GIMD1: variants seen among roughly 807,000 people sequenced by gnomAD.
The protein encoded by GIMD1 is GIMAP family P-loop NTPase domain containing 1.
Under a neutral mutation model 14.9 loss-of-function variants are expected in GIMD1, and 14 were observed. That is an observed-to-expected ratio of 0.94 (90% CI 0.62 to 1.47). The LOEUF is 1.47. Among genes scored for constraint, GIMD1 ranks in the 40% most tolerant of loss-of-function variants. The pLI is 0.00. For synonymous variants in GIMD1, 91 were observed against 90.5 expected (o/e 1.01, Z -0.03); for missense variants, 272 against 255.3 (o/e 1.07, Z -0.44).
chr4:106,363,634 A>G (rs1770647659), intron 2 of GIMD1, among the ~76,000 whole-genome samples: 1 of 152,116 alleles, frequency 6.6e-6, no homozygotes, highest in Admixed American at 6.6e-5. Context: ...CAAGTAAGGA[A>G]TTGAAACCAA....
At chr4:106,359,294 C>T (rs1157782378) in intron 2 of GIMD1, among the ~76,000 whole-genome samples, 2 of 151,874 alleles carry the variant, frequency 1.3e-5, no homozygotes, top group Non-Finnish European at 2.9e-5. Context: ...AACATTACCT[C>T]CATTCCGAAC....
intron 2 of GIMD1, among the ~76,000 whole-genome samples, chr4:106,364,470 TCAGA>T (rs1385826885): frequency 6.6e-6 from 1 of 152,166 alleles, no homozygotes; most frequent in African/African-American, 2.4e-5. Flanking sequence ...TGTTGAATAT[TCAGA>T]CACTCTGCAA....
chr4:106,359,119 G>C (rs1182639652), intron 2 of GIMD1, among the ~76,000 whole-genome samples: 1 of 151,908 alleles, frequency 6.6e-6, no homozygotes, highest in Non-Finnish European at 1.5e-5. Flanking sequence ...GTGGAAGTTG[G>C]TTATGTAATA....
chr4:106,358,322 G>T lies in GIMD1; in HGVS notation c.515C>A (p.Thr172Lys), dbSNP rs73839451. 2.0e-6 allele frequency: 3 copies of T among 1,533,828 alleles called. No individual in the cohort carries two copies. Among genetic ancestry groups the T allele is most frequent in the South Asian group, 2.4e-5 (2 of 83,894 alleles). Residue 172 changes from threonine to lysine, a missense_variant, in exon 3 of 3, where the codon ACG (threonine) becomes AAG (lysine). Coordinates refer to ENST00000638719, the MANE Select transcript of GIMD1 (RefSeq NM_001195138.2). ...TTTGTGCTGAATAGAATTTAGCAGC[G>T]TTTTCAGGGTATCAGAGGCCTCATG... is the stretch of plus-strand genomic sequence containing the variant. ...YLHEASDTLK[T>K]LLNSIQHKYV...
rs139380168 is a variant in GIMD1 at position 106,357,854 on chromosome 4, A to G, written c.*329T>C. The G allele has an allele frequency of 8.0e-4, 136 of 169,718 alleles. No homozygotes were observed. The highest frequency in any genetic ancestry group is 3.1e-3 in the African/African-American group (131 of 42,006). The allele number at this position is 169,718 out of a possible 1,614,324, so 10.5% of individuals were successfully genotyped here. The stretch of plus-strand genomic sequence containing the variant: ...AATTTACTTAACCATTCTAATATTA[A>G]TAGACATTTGAATAGTCTGTATGTT... On this transcript the variant is annotated 3_prime_UTR_variant, in exon 3 of 3. Coordinates refer to ENST00000638719, the MANE Select transcript of GIMD1 (RefSeq NM_001195138.2).
At chr4:106,362,663 AC>A (rs1282812903) in intron 2 of GIMD1, among the ~76,000 whole-genome samples, 2 of 152,114 alleles carry the variant, frequency 1.3e-5, no homozygotes, top group African/African-American at 4.8e-5. Flanking sequence ...AAACAAACAA[AC>A]AAAAAGCCAA....
At chr4:106,360,033 T>C (rs1460139073) in intron 2 of GIMD1, among the ~76,000 whole-genome samples, 1 of 151,984 alleles carries the variant, frequency 6.6e-6, no homozygotes, top group Non-Finnish European at 1.5e-5. Context: ...TAAACATCTG[T>C]TAAATTAATT....
intron 2 of GIMD1, among the ~76,000 whole-genome samples, chr4:106,359,608 T>A (rs909186723): frequency 6.6e-6 from 1 of 151,676 alleles, no homozygotes; most frequent in Non-Finnish European, 1.5e-5. Context: ...TTTTAAAAAA[T>A]TATTGAAAAT....
At chr4:106,368,385 C>T (rs569034123) in intron 1 of GIMD1, among the ~76,000 whole-genome samples, 1 of 152,304 alleles carries the variant, frequency 6.6e-6, no homozygotes, top group African/African-American at 2.4e-5. Context: ...GAAATAAAGA[C>T]ATTTTAATAT....
At chr4:106,361,178 G>A (rs1770608397) in intron 2 of GIMD1, among the ~76,000 whole-genome samples, 1 of 152,012 alleles carries the variant, frequency 6.6e-6, no homozygotes, top group Non-Finnish European at 1.5e-5. Context: ...TTCTAGGCAT[G>A]CTCTACATGG....
chr4:106,363,929 A>G (rs1290791468), intron 2 of GIMD1, among the ~76,000 whole-genome samples: 1 of 150,838 alleles, frequency 6.6e-6, no homozygotes, highest in Non-Finnish European at 1.5e-5. Context: ...CCTAGGTACA[A>G]TTCCTACTGC....
At chr4:106,362,904 T>TA (rs1770635794) in intron 2 of GIMD1, among the ~76,000 whole-genome samples, 1 of 152,174 alleles carries the variant, frequency 6.6e-6, no homozygotes, top group Non-Finnish European at 1.5e-5. Context: ...ATTGAGGACT[T>TA]ACGGTGTTAA....
At chr4:106,360,410 T>A (rs1770595509) in intron 2 of GIMD1, among the ~76,000 whole-genome samples, 1 of 152,086 alleles carries the variant, frequency 6.6e-6, no homozygotes, top group Admixed American at 6.6e-5. Flanking sequence ...AGTATCCATA[T>A]AATGTCAGCA....
chr4:106,365,465 T>G (rs1770683920), intron 2 of GIMD1, among the ~76,000 whole-genome samples: 1 of 152,092 alleles, frequency 6.6e-6, no homozygotes, highest in South Asian at 2.1e-4. Context: ...TAGAAGTATC[T>G]TTTCTAGTTA....
chr4:106,366,496 T>C (rs1770700868), intron 2 of GIMD1, among the ~76,000 whole-genome samples: 1 of 152,186 alleles, frequency 6.6e-6, no homozygotes. Context: ...CCTGGTGAAC[T>C]ATAAGAGATT....
intron 1 of GIMD1, among the ~76,000 whole-genome samples, chr4:106,368,183 A>G (rs3018065): frequency 0.23 from 35,353 of 151,988 alleles, 4,348 homozygotes; most frequent in Middle Eastern, 0.38. Context: ...GTAAAGCCTA[A>G]CATATTGGGC....
Position 106,358,301 on chromosome 4 carries a change from T to C in GIMD1, c.536A>G (p.His179Arg), listed in dbSNP as rs1271802509. Residue 179 changes from histidine (H) to arginine (R), a missense_variant, in exon 3 of 3, where the codon CAC becomes CGC. His to Arg is a conservative substitution (Grantham distance 29). Transcript: ENST00000638719. Reference sequence around the variant, plus strand: ...TTTTTTGTACTGGAAAACGTATTTGTGCTGAATAGAATTTAGCAGCGTTTT... The same window carrying C: ...TTTTTTGTACTGGAAAACGTATTTGCGCTGAATAGAATTTAGCAGCGTTTT... ...TLKTLLNSIQ[H>R]KYVFQYKKGK... is the part of the protein sequence containing the mutation. The C allele has an allele frequency of 6.5e-7, 1 of 1,533,784 alleles. No homozygotes were observed. Among genetic ancestry groups the C allele is most frequent in the Non-Finnish European group, 8.7e-7 (1 of 1,145,416 alleles).
chr4:106,366,836 G>A (rs3018063), intron 2 of GIMD1, among the ~76,000 whole-genome samples: 37,703 of 151,090 alleles, frequency 0.25, 5,201 homozygotes, highest in Middle Eastern at 0.38. Context: ...CTCTGAAGGA[G>A]GTCATAAAAA....
At chr4:106,366,777 C>G (rs547803636) in intron 2 of GIMD1, among the ~76,000 whole-genome samples, 55 of 151,908 alleles carry the variant, frequency 3.6e-4, no homozygotes, top group Admixed American at 6.6e-4. Context: ...AGTTTAATAT[C>G]TCAATTTTTT....
Sources: gnomAD v4.1 joint callset for allele counts (sites outside exome capture counted in the v4.1 genomes callset) on GRCh38, gnomAD v4.1.1 for gene constraint, MANE v1.5 for transcripts, NCBI Gene and HGNC (gene_info 2026-07-23, HGNC 2026-07-21) for gene names.